FYB1: variants seen among roughly 807,000 people sequenced by gnomAD.
FYB1 encodes FYN binding protein 1.
FYB1 carries 41 observed loss-of-function variants against 94.1 expected under a neutral mutation model. That is an observed-to-expected ratio of 0.44 (90% confidence interval 0.34 to 0.57). The LOEUF (loss-of-function observed/expected upper bound fraction) is 0.57. Ranked by LOEUF, FYB1 falls within the 20% of genes least tolerant of loss-of-function variation. The probability of loss-of-function intolerance (pLI) is 0.02; values close to 1 mark genes in which losing one functional copy is unlikely to be tolerated. For missense variants in FYB1, 1,050 were observed against 976.8 expected (o/e 1.07, Z -1.00); for synonymous variants, 367 against 353.2 (o/e 1.04, Z -0.44).
intron 1 of FYB1, among the ~76,000 whole-genome samples, chr5:39,203,338 G>C (rs1413211019): frequency 1.3e-5 from 2 of 152,022 alleles, no homozygotes; most frequent in East Asian, 1.9e-4. Flanking sequence ...AAAAAATATG[G>C]AAGTGACTAA....
intron 1 of FYB1, among the ~76,000 whole-genome samples, chr5:39,267,328 T>G (rs566900953): frequency 6.6e-6 from 1 of 151,996 alleles, no homozygotes; most frequent in East Asian, 1.9e-4. Context: ...AATTGCAATC[T>G]TACTCTCCAC....
intron 1 of FYB1, chr5:39,211,144 C>T (rs559638222): frequency 6.6e-6 from 1 of 152,216 alleles, no homozygotes; most frequent in Non-Finnish European, 1.5e-5. Flanking sequence ...TTTTGACTAA[C>T]GAACTTGTAG....
chr5:39,125,699 T>A (rs1051946905), intron 12 of FYB1, among the ~76,000 whole-genome samples: 2 of 152,148 alleles, frequency 1.3e-5, no homozygotes, highest in African/African-American at 2.4e-5. Context: ...ACTGTGTGGA[T>A]GAGCGTGAGA....
chr5:39,228,573 G>A (rs1450677601), intron 1 of FYB1, among the ~76,000 whole-genome samples: 1 of 152,130 alleles, frequency 6.6e-6, no homozygotes, highest in Non-Finnish European at 1.5e-5. Context: ...AGTGGAAGTA[G>A]AATCATAAGC....
chr5:39,123,715 C>T (rs761443103), intron 13 of FYB1, among the ~76,000 whole-genome samples: 52 of 152,196 alleles, frequency 3.4e-4, no homozygotes, highest in Non-Finnish European at 4.4e-4. Context: ...CTTAAGACAA[C>T]ATTTTATTTC....
At chr5:39,136,590 T>C (rs1741696635) in intron 7 of FYB1, among the ~76,000 whole-genome samples, 1 of 152,202 alleles carries the variant, frequency 6.6e-6, no homozygotes, top group African/African-American at 2.4e-5. Context: ...TGGAGTAGTA[T>C]CATTTATCCT....
intron 1 of FYB1, among the ~76,000 whole-genome samples, chr5:39,206,626 G>A (rs1748880734): frequency 6.6e-6 from 1 of 152,144 alleles, no homozygotes; most frequent in Non-Finnish European, 1.5e-5. Flanking sequence ...TCATTTACCA[G>A]TACAGTATGA....
intron 1 of FYB1, among the ~76,000 whole-genome samples, chr5:39,209,235 C>T (rs969981285): frequency 1.2e-4 from 18 of 152,064 alleles, no homozygotes; most frequent in African/African-American, 4.1e-4. Context: ...GTACTCCTGA[C>T]GAGACCCTTC....
chr5:39,231,770 G>GA (rs1750755754), intron 1 of FYB1, among the ~76,000 whole-genome samples: 1 of 150,162 alleles, frequency 6.7e-6, no homozygotes, highest in Non-Finnish European at 1.5e-5. Context: ...ACAGAGGGGA[G>GA]AACTGAGACA....
At position 39,273,182 on chromosome 5, in the gene FYB1, C is replaced by T. The variant is rs189187216; in HGVS notation, c.-28+1221G>A. ...TGAGAACGGGCCATGATGACAATGG[C>T]GGTTTTGTGGAATAGAAAAGGGGAA... On this transcript the variant is annotated intron_variant, in intron 1 of 1. Coordinates refer to the FYB1 transcript ENST00000510188. 1.7e-3 allele frequency among the ~76,000 whole-genome samples: 264 copies of T among 151,966 alleles called. 6 individuals carry two copies. Among genetic ancestry groups the T allele is most frequent in the Admixed American group, 0.011 (165 of 15,270 alleles).
intron 9 of FYB1, among the ~76,000 whole-genome samples, chr5:39,132,152 C>T (rs1277541738): frequency 6.6e-6 from 1 of 152,140 alleles, no homozygotes; most frequent in African/African-American, 2.4e-5. Context: ...CAAAACTGCT[C>T]CCGGAGTTTG....
At chr5:39,183,218 T>G (rs1394864913) in intron 2 of FYB1, among the ~76,000 whole-genome samples, 1 of 152,086 alleles carries the variant, frequency 6.6e-6, no homozygotes, top group Non-Finnish European at 1.5e-5. Flanking sequence ...ACTCCCAACC[T>G]CAGGTGATCC....
intron 11 of FYB1, 117 bp downstream of exon 11, chr5:39,127,624 T>C (rs1465948025): frequency 1.8e-6 from 2 of 1,106,848 alleles, no homozygotes; most frequent in South Asian, 1.8e-5. Flanking sequence ...ATTCAAATCA[T>C]TTGGGGTAAT....
chr5:39,122,368 G>A lies in FYB1; in HGVS notation c.2106C>T (p.Thr702=), dbSNP rs1263754198. 3 of 1,580,552 alleles carry A rather than the reference G, an allele frequency of 1.9e-6. No individual in the cohort carries two copies. Among genetic ancestry groups the A allele is most frequent in the African/African-American group, 1.3e-5 (1 of 74,406 alleles). The change falls in exon 14 of 19, where the codon ACC becomes ACT. Residue 702 remains threonine, a synonymous_variant. Coordinates refer to ENST00000512982, the MANE Select transcript of FYB1 (RefSeq NM_001465.6). The part of the protein sequence containing the change: ...MGDEVYDDVD[T]SDFPVSSAEM... ...CTGCTGATGAAACAGGGAAATCAGAGGTATCCACATCATCGTAAACTTCAT... is the reference window on the plus strand; with the variant it reads ...CTGCTGATGAAACAGGGAAATCAGAAGTATCCACATCATCGTAAACTTCAT...
chr5:39,141,015 T>A (rs749403735), intron 4 of FYB1, 80 bp downstream of exon 4: 3 of 937,648 alleles, frequency 3.2e-6, no homozygotes, highest in Non-Finnish European at 5.0e-6. Flanking sequence ...GACCCATTAA[T>A]GAGCCTATAA....
intron 2 of FYB1, among the ~76,000 whole-genome samples, chr5:39,157,869 T>C (rs965651389): frequency 3.9e-5 from 6 of 152,160 alleles, no homozygotes; most frequent in African/African-American, 1.4e-4. Flanking sequence ...GCAGGATGGT[T>C]CAGCAGCAAT....
intron 2 of FYB1, among the ~76,000 whole-genome samples, chr5:39,197,993 A>G (rs1471706927): frequency 1.3e-5 from 2 of 152,228 alleles, no homozygotes; most frequent in Non-Finnish European, 2.9e-5. Flanking sequence ...ATAGTATAAT[A>G]TAAAATGATT....
chr5:39,258,356 T>G (rs1752057536), intron 1 of FYB1, among the ~76,000 whole-genome samples: 1 of 152,082 alleles, frequency 6.6e-6, no homozygotes, highest in African/African-American at 2.4e-5. Context: ...TCTCAGCACT[T>G]TGGAAGGCTG....
intron 2 of FYB1, among the ~76,000 whole-genome samples, chr5:39,176,586 C>T (rs1407408994): frequency 1.3e-5 from 2 of 152,142 alleles, no homozygotes; most frequent in Non-Finnish European, 2.9e-5. Context: ...TTTGGATGAT[C>T]ATATGATTGG....
Sources: gnomAD v4.1 joint callset for allele counts (sites outside exome capture counted in the v4.1 genomes callset) on GRCh38, gnomAD v4.1.1 for gene constraint, MANE v1.5 for transcripts, NCBI Gene and HGNC (gene_info 2026-07-23, HGNC 2026-07-21) for gene names.